The following ATP8B1 variants were observed in gnomAD, a reference collection of about 807,000 sequenced individuals.
ATP8B1 encodes phospholipid-transporting ATPase IC.
In ATP8B1, 80 loss-of-function variants were observed where a neutral mutation model predicts 149.9. That is an observed-to-expected ratio of 0.53 (90% confidence interval 0.45 to 0.64). ATP8B1 has a LOEUF of 0.64. Ranked by LOEUF, ATP8B1 falls within the 30% of genes least tolerant of loss-of-function variation. The pLI is 0.00. For missense variants in ATP8B1, 1,247 were observed against 1,552.6 expected (o/e 0.80, Z 3.31); for synonymous variants, 536 against 562.8 (o/e 0.95, Z 0.67).
At chr18:57,705,916 C>T (rs1279616538) in intron 3 of ATP8B1, among the ~76,000 whole-genome samples, 2 of 152,134 alleles carry the variant, frequency 1.3e-5, no homozygotes, top group Non-Finnish European at 2.9e-5. Context: ...AGCTGGAGTG[C>T]AATGGCACAA....
chr18:57,667,365 A>G (rs984487198), intron 19 of ATP8B1, 198 bp from the exon 20 acceptor site: 5 of 564,178 alleles, frequency 8.9e-6, no homozygotes, highest in Admixed American at 3.0e-5. Flanking sequence ...AGTAGCTGGG[A>G]CTACGCAACT....
chr18:57,768,059 C>T (rs1035706779), intron 1 of ATP8B1, among the ~76,000 whole-genome samples: 1 of 152,102 alleles, frequency 6.6e-6, no homozygotes, highest in African/African-American at 2.4e-5. Flanking sequence ...ATACAGTCTA[C>T]AAATATCCTA....
intron 1 of ATP8B1, among the ~76,000 whole-genome samples, chr18:57,796,441 C>T (rs1232691770): frequency 5.9e-5 from 9 of 152,054 alleles, no homozygotes; most frequent in Admixed American, 4.6e-4. Context: ...CTTAGGAGTT[C>T]GAGACCAGCC....
intron 11 of ATP8B1, among the ~76,000 whole-genome samples, chr18:57,692,961 T>A (rs1049063354): frequency 6.6e-6 from 1 of 152,114 alleles, no homozygotes; most frequent in East Asian, 1.9e-4. Context: ...AGAGACAAAT[T>A]TAAATTTCTG....
chr18:57,754,673 A>G (rs2123284436), intron 1 of ATP8B1, among the ~76,000 whole-genome samples: 1 of 152,282 alleles, frequency 6.6e-6, no homozygotes, highest in Admixed American at 6.5e-5. Flanking sequence ...ACACATCACC[A>G]AATTGACACT....
At chr18:57,709,464 C>T (rs1913582276) in intron 2 of ATP8B1, among the ~76,000 whole-genome samples, 2 of 152,098 alleles carry the variant, frequency 1.3e-5, no homozygotes, top group South Asian at 4.1e-4. Context: ...TCACAGAACA[C>T]TTATTAACAT....
intron 1 of ATP8B1, among the ~76,000 whole-genome samples, chr18:57,782,039 C>G (rs942945108): frequency 2.0e-5 from 3 of 152,204 alleles, no homozygotes; most frequent in African/African-American, 7.2e-5. Flanking sequence ...CAGGAGAAGA[C>G]AATATGCTCA....
rs1477655292 is a variant in ATP8B1 at position 57,653,978 on chromosome 18, TG to T, written c.3015+13del. On this transcript the variant is annotated intron_variant, in intron 24 of 27. Coordinates refer to ENST00000648908, the MANE Select transcript of ATP8B1 (RefSeq NM_001374385.1). ...ATCTGTCCAGAAGTGTCCCTGCTTG[TG>T]CGAGGCTCCTACCTGGTCGAGCAGC... 1.2e-6 allele frequency: 2 copies of T among 1,605,930 alleles called. No homozygotes were observed. The highest frequency in any genetic ancestry group is 1.7e-6 in the Non-Finnish European group (2 of 1,172,758).
chr18:57,670,404 T>G (rs1911154909), intron 17 of ATP8B1, among the ~76,000 whole-genome samples: 2 of 150,792 alleles, frequency 1.3e-5, no homozygotes. Flanking sequence ...CAGGCTTGAG[T>G]GCAGTGGTGC....
chr18:57,689,570 G>A (rs1352422173), intron 12 of ATP8B1, among the ~76,000 whole-genome samples: 1 of 152,196 alleles, frequency 6.6e-6, no homozygotes, highest in Non-Finnish European at 1.5e-5. Context: ...TATTTCCTAA[G>A]TGCCTACTAT....
chr18:57,674,546 G>A (rs1327522070), intron 16 of ATP8B1, among the ~76,000 whole-genome samples: 3 of 151,668 alleles, frequency 2.0e-5, no homozygotes, highest in East Asian at 2.0e-4. Context: ...CACCACGCCC[G>A]GCTAATTTTT....
intron 22 of ATP8B1, among the ~76,000 whole-genome samples, chr18:57,656,119 G>GCTTC (rs1472052068): frequency 1.3e-5 from 2 of 152,106 alleles, no homozygotes; most frequent in Non-Finnish European, 2.9e-5. Flanking sequence ...TACCAGAAGA[G>GCTTC]TAGAAGCTCT....
At chr18:57,750,281 C>G (rs1267324893) in intron 1 of ATP8B1, among the ~76,000 whole-genome samples, 1 of 152,074 alleles carries the variant, frequency 6.6e-6, no homozygotes, top group Admixed American at 6.6e-5. Context: ...TTAAATAGTC[C>G]CTAAATCAGC....
chr18:57,718,658 A>G (rs1489060559), intron 2 of ATP8B1, among the ~76,000 whole-genome samples: 1 of 152,246 alleles, frequency 6.6e-6, no homozygotes, highest in Non-Finnish European at 1.5e-5. Flanking sequence ...CAACACATTA[A>G]AAAGATCATT....
intron 1 of ATP8B1, among the ~76,000 whole-genome samples, chr18:57,768,833 C>A (rs1301827362): frequency 1.3e-5 from 2 of 152,194 alleles, no homozygotes; most frequent in African/African-American, 4.8e-5. Flanking sequence ...AAGGCTTAAC[C>A]CTTGGGCTGA....
intron 1 of ATP8B1, among the ~76,000 whole-genome samples, chr18:57,776,768 T>C (rs897997056): frequency 2.0e-5 from 3 of 151,762 alleles, no homozygotes; most frequent in African/African-American, 7.3e-5. Flanking sequence ...TAGAAAATAA[T>C]AGGAGAAAAG....
intron 15 of ATP8B1, among the ~76,000 whole-genome samples, chr18:57,681,149 T>A (rs984779891): frequency 9.9e-5 from 15 of 152,122 alleles, no homozygotes; most frequent in African/African-American, 3.6e-4. Context: ...TGGAGCAGCA[T>A]GAAAAAGGTT....
chr18:57,665,201 T>G (rs1568185363), intron 20 of ATP8B1, among the ~76,000 whole-genome samples: 1 of 148,754 alleles, frequency 6.7e-6, no homozygotes, highest in Non-Finnish European at 1.5e-5. Flanking sequence ...AAGTTAAAAG[T>G]GAGTGACTAA....
rs375830293 is a variant in ATP8B1, at chr18:57,680,825, T to C, written c.1630+3211A>G. 1.1e-4 allele frequency among the ~76,000 whole-genome samples: 16 copies of C among 152,196 alleles called. No individual in the cohort carries two copies. The South Asian group carries it at 3.1e-3, about 30-fold the overall frequency. On this transcript the variant is annotated intron_variant, in intron 15 of 27. Coordinates refer to ENST00000648908, the MANE Select transcript of ATP8B1 (RefSeq NM_001374385.1). The stretch of plus-strand genomic sequence containing the variant: ...CTGCTCCAGACTCTCACACCCGTGA[T>C]GCGCAAAACTCCTGAAACAAGCTCT...
Sources: gnomAD v4.1 joint callset for allele counts (sites outside exome capture counted in the v4.1 genomes callset) on GRCh38, gnomAD v4.1.1 for gene constraint, MANE v1.5 for transcripts, NCBI Gene and HGNC (gene_info 2026-07-23, HGNC 2026-07-21) for gene names.